Variants in NEURL4 observed in about 807,000 individuals in gnomAD.
The protein encoded by NEURL4 is neuralized-like protein 4.
NEURL4 carries 45 observed loss-of-function variants against 148.0 expected under a neutral mutation model. The ratio of observed to expected loss-of-function variants is 0.30; its 90% CI spans 0.24 to 0.39. The LOEUF is 0.39. NEURL4 is among the 10% of genes least tolerant of loss of function. The pLI, the probability that NEURL4 is intolerant of heterozygous loss-of-function variation, is 1.00. For synonymous variants in NEURL4, 854 were observed against 869.0 expected, an observed-to-expected ratio of 0.98 and a Z score of 0.30; for missense variants, 1,776 against 2,144.0, an observed-to-expected ratio of 0.83 and a Z score of 3.39.
In NEURL4 at chr17:7,322,835, C is replaced by T. The variant is rs1405745069; in HGVS notation, c.2625G>A (p.Gln875=). ...EVYAVVDLYG[Q]CVQVSITNAT... is the part of the protein sequence containing the mutation. ...CATTGGTGATGGACACTTGGACACA[C>T]TGGCCATAGAGATCGACTACCGCAT... The change falls in exon 16 of 29, where the codon CAG becomes CAA. Residue 875 remains glutamine (Q), a synonymous_variant. Transcript: ENST00000399464. This position sits in a 1 kb window ranked among gnomAD's most constrained non-coding sequence, Gnocchi z 5.5. 3 of 1,613,952 alleles carry T rather than the reference C, an allele frequency of 1.9e-6. No individual in the cohort carries two copies. Among genetic ancestry groups the T allele is most frequent in the Non-Finnish European group, 2.5e-6 (3 of 1,179,994 alleles).
chr17:7,320,987 G>C, intron 20 of NEURL4, 64 bp from the exon 21 acceptor site: 1 of 1,601,086 alleles, frequency 6.2e-7, no homozygotes, highest in Non-Finnish European at 8.5e-7. Context: ...CACCCCACTG[G>C]AGTTTGCACA....
At position 7,321,334 on chromosome 17, in the gene NEURL4, A is replaced by T; in HGVS notation, c.3198+27T>A. On this transcript the variant is annotated intron_variant, in intron 19 of 28. Transcript: ENST00000399464. This position sits in a 1 kb window ranked among gnomAD's most constrained non-coding sequence, Gnocchi z 6.3. Reference sequence around the variant, plus strand: ...AGCAGAAGACCTCAACCATCCTCCCAGAACCCAAGGAAGCGTTCAGGTCTA... The same window carrying T: ...AGCAGAAGACCTCAACCATCCTCCCTGAACCCAAGGAAGCGTTCAGGTCTA... The T allele has an allele frequency of 2.5e-6, 4 of 1,613,814 alleles. No homozygotes were observed. Among genetic ancestry groups the T allele is most frequent in the Non-Finnish European group, 3.4e-6 (4 of 1,179,848 alleles).
Position 7,324,462 on chromosome 17 carries a change from C to T in NEURL4, c.1832G>A (p.Gly611Glu). 6.2e-7 allele frequency: 1 copy of T among 1,614,194 alleles called. No homozygotes were observed. The highest frequency in any genetic ancestry group is 8.5e-7 in the Non-Finnish European group (1 of 1,180,010). Reference protein sequence around the residue: ...NLRSGTWMMTGNGVMHNGTTI... With the variant: ...NLRSGTWMMTENGVMHNGTTI... ...CGTCCCATTGTGCATCACCCCATTC[C>T]CAGTCATCATCCAGGTCCCTGGGAG... The change falls in exon 10 of 29, where the codon GGG (glycine) becomes GAG (glutamate). Residue 611 changes from glycine (G) to glutamate (E), a missense_variant. Transcript: ENST00000399464. The surrounding 1 kb of genome is among the most constrained non-coding windows in gnomAD (Gnocchi z 5.9).
chr17:7,323,557 G>A lies in NEURL4; in HGVS notation c.2345C>T (p.Thr782Ile). The stretch of plus-strand genomic sequence containing the variant: ...TTCCAGGTCTTCAGGCCGAATAGCA[G>A]TCACTCCTGGGAGGAGGCAGGGGTA... ...RWSGSIEAGVTAIRPEDLEFP... is the reference protein window; with the variant it reads ...RWSGSIEAGVIAIRPEDLEFP... Residue 782 changes from threonine to isoleucine, a missense_variant, in exon 14 of 29, where the codon ACT becomes ATT. Thr to Ile is a moderately conservative substitution (Grantham distance 89). Coordinates refer to ENST00000399464, the MANE Select transcript of NEURL4 (RefSeq NM_032442.3). 6.2e-7 allele frequency: 1 copy of A among 1,614,218 alleles called. No individual in the cohort carries two copies. Among genetic ancestry groups the A allele is most frequent in the Non-Finnish European group, 8.5e-7 (1 of 1,180,038 alleles).
chr17:7,317,799 C>T lies in NEURL4; in HGVS notation c.4194G>A (p.Arg1398=), dbSNP rs1382752349. Residue 1398 remains arginine (R), a synonymous_variant, in exon 26 of 29, where the codon AGG becomes AGA. Coordinates refer to ENST00000399464, the MANE Select transcript of NEURL4 (RefSeq NM_032442.3). ...REYALPFGWC[R]FNLRVNPRLE... ...TTGCCCATATGTACCTGAGGTTGAA[C>T]CTGCACCAGCCAAAGGGCAGTGCAT... is the stretch of plus-strand genomic sequence containing the variant. 5.0e-6 allele frequency: 8 copies of T among 1,613,606 alleles called. No individual in the cohort carries two copies. Among genetic ancestry groups the T allele is most frequent in the Non-Finnish European group, 5.9e-6 (7 of 1,180,036 alleles).
chr17:7,324,603 T>C lies in NEURL4; in HGVS notation c.1814-123A>G, dbSNP rs750214253. 8 of 1,107,704 alleles carry C rather than the reference T, an allele frequency of 7.2e-6. No homozygotes were observed. The highest frequency in any genetic ancestry group is 2.1e-5 in the Admixed American group (1 of 47,308). 68.6% of individuals were successfully genotyped at this position (1,107,704 alleles called of 1,614,324 possible). A position where few individuals can be genotyped will look rare whatever the true frequency, so the allele number is the denominator to read the frequency against. On this transcript the variant is annotated intron_variant, in intron 9 of 28. Transcript: ENST00000399464. This position sits in a 1 kb window ranked among gnomAD's most constrained non-coding sequence, Gnocchi z 5.9. ...CTTGCCTTTTCTTTGATGACTAGAT[T>C]TCTTCCCTGAGCAGGACAAGAAAAC...
At chr17:7,316,544 C>T (rs957931301) in intron 28 of NEURL4, among the ~76,000 whole-genome samples, 2 of 152,186 alleles carry the variant, frequency 1.3e-5, no homozygotes, top group African/African-American at 4.8e-5. Flanking sequence ...GAATCTCTCC[C>T]ACCTTCTTAG....
Position 7,317,832 on chromosome 17 carries a change from G to A in NEURL4, c.4161C>T (p.Pro1387=). 6.2e-7 allele frequency: 1 copy of A among 1,614,056 alleles called. No homozygotes were observed. The highest frequency in any genetic ancestry group is 2.2e-5 in the East Asian group (1 of 44,886). The change falls in exon 26 of 29, where the codon CCC becomes CCT. Residue 1387 remains proline, a synonymous_variant. Coordinates refer to ENST00000399464, the MANE Select transcript of NEURL4 (RefSeq NM_032442.3). ...DEAHRRRGEP[P]REYALPFGWC... is the part of the protein sequence containing the mutation. The stretch of plus-strand genomic sequence containing the variant: ...AGCCAAAGGGCAGTGCATATTCCCG[G>A]GGAGGCTCCCCTCTGCGCCTGTGGG...
chr17:7,322,586 G>T lies in NEURL4; in HGVS notation c.2725+149C>A. The T allele has an allele frequency of 9.9e-7, 1 of 1,007,786 alleles. No individual in the cohort carries two copies. The highest frequency in any genetic ancestry group is 1.5e-6 in the Non-Finnish European group (1 of 675,948). The allele number at this position is 1,007,786 out of a possible 1,614,324, so 62.4% of individuals were successfully genotyped here. ...ACCAGGTGTAACCTCCCCCTCACTG[G>T]CTGCTTGCCACCGTGGGCTGTCCCT... On this transcript the variant is annotated intron_variant, in intron 16 of 28. Transcript: ENST00000399464. The surrounding 1 kb of genome is among the most constrained non-coding windows in gnomAD (Gnocchi z 5.5).
intron 28 of NEURL4, 103 bp from the exon 29 acceptor site, chr17:7,316,430 C>G (rs1373520779): frequency 1.1e-6 from 1 of 899,874 alleles, no homozygotes; most frequent in Non-Finnish European, 1.7e-6. Context: ...CTAGGAAATA[C>G]TCCCACCTTA....
intron 26 of NEURL4, 51 bp from the exon 27 acceptor site, chr17:7,317,624 G>A (rs1159472533): frequency 3.8e-6 from 6 of 1,579,348 alleles, no homozygotes; most frequent in Admixed American, 1.7e-5. Flanking sequence ...TGACTCCCCA[G>A]TGGAGGAGCT....
chr17:7,318,684 G>C lies in NEURL4; in HGVS notation c.3685-10C>G. The C allele has an allele frequency of 6.3e-7, 1 of 1,595,996 alleles. No homozygotes were observed. Among genetic ancestry groups the C allele is most frequent in the Middle Eastern group, 1.7e-4 (1 of 5,954 alleles). On this transcript the variant is annotated splice_polypyrimidine_tract_variant and intron_variant, in intron 22 of 28. Transcript: ENST00000399464. The surrounding 1 kb of genome is among the most constrained non-coding windows in gnomAD (Gnocchi z 4.3). ...CAAACTTCTCGCAGATCTGGGAGGA[G>C]AGACCGGCTGTCTTCCAGAGGTCAG...
chr17:7,326,739 C>T lies in NEURL4; in HGVS notation c.1064G>A (p.Arg355His). The change falls in exon 4 of 29, where the codon CGC (arginine) becomes CAC (histidine). Residue 355 changes from arginine (R) to histidine (H), a missense_variant. Transcript: ENST00000399464. The surrounding 1 kb of genome is among the most constrained non-coding windows in gnomAD (Gnocchi z 6.0). The part of the protein sequence containing the change: ...EFNNGVVMTN[R>H]PLRDNEMFEI... ...AAACATCTCATTGTCCCGAAGGGGG[C>T]GATTGGTCATGACAACCCCATTGTT... is the stretch of plus-strand genomic sequence containing the variant. The T allele has an allele frequency of 1.2e-6, 2 of 1,611,928 alleles. No individual in the cohort carries two copies. The highest frequency in any genetic ancestry group is 1.7e-6 in the Non-Finnish European group (2 of 1,179,482).
rs745621144 is a variant in NEURL4 at position 7,326,264 on chromosome 17, A to G, written c.1284T>C (p.Asp428=). Residue 428 remains aspartate, a synonymous_variant, in exon 6 of 29, where the codon GAT becomes GAC. Transcript: ENST00000399464. This position sits in a 1 kb window ranked among gnomAD's most constrained non-coding sequence, Gnocchi z 6.0. ...TGTGCCCCACCCTCACCTGCAACTC[A>G]TCCAGACTGAATTCGCAGTACTCCC... The part of the protein sequence containing the change: ...TRREYCEFSL[D]ELQEGDHIGL... 2 of 1,613,992 alleles carry G rather than the reference A, an allele frequency of 1.2e-6. No individual in the cohort carries two copies. Among genetic ancestry groups the G allele is most frequent in the Middle Eastern group, 1.7e-4 (1 of 6,060 alleles).
chr17:7,322,167 T>C lies in NEURL4; in HGVS notation c.2726-157A>G, dbSNP rs746104209. ...AGGGCCTCCTGACACCTCTTTATTG[T>C]ATTTTGTTGAGGCAGAGTCTCGCTC... On this transcript the variant is annotated intron_variant, in intron 16 of 28. Transcript: ENST00000399464. The surrounding 1 kb of genome is among the most constrained non-coding windows in gnomAD (Gnocchi z 5.5). Among the ~76,000 whole-genome samples, 1 of 152,136 alleles carries C rather than the reference T, an allele frequency of 6.6e-6. No homozygotes were observed. Among genetic ancestry groups the C allele is most frequent in the Non-Finnish European group, 1.5e-5 (1 of 68,028 alleles).
intron 21 of NEURL4, 131 bp from the exon 22 acceptor site, chr17:7,319,339 G>T (rs942122597): frequency 2.9e-5 from 16 of 556,360 alleles, no homozygotes; most frequent in Non-Finnish European, 4.1e-5. Context: ...TGCTTGGAAG[G>T]ACCAGAAAAC....
In NEURL4 at chr17:7,317,312, C is replaced by T; in HGVS notation, c.4377G>A (p.Glu1459=). 12 of 1,538,646 alleles carry T rather than the reference C, an allele frequency of 7.8e-6. No homozygotes were observed. Among genetic ancestry groups the T allele is most frequent in the Non-Finnish European group, 9.6e-6 (11 of 1,142,064 alleles). Residue 1459 remains glutamate (E), a synonymous_variant, in exon 28 of 29, where the codon GAG becomes GAA. Transcript: ENST00000399464. The part of the protein sequence containing the change: ...PLKGEPGVGF[E]EPGENCAPPR... The stretch of plus-strand genomic sequence containing the variant: ...GAGGTGCACAGTTCTCGCCAGGCTC[C>T]TCGAACCCTACCCCAGGTTCTCCCT...
chr17:7,319,624 C>T (rs546120465), intron 21 of NEURL4, among the ~76,000 whole-genome samples: 3 of 147,710 alleles, frequency 2.0e-5, no homozygotes, highest in South Asian at 4.5e-4. Flanking sequence ...CGCTTGAACC[C>T]GGGAGGTGGA....
chr17:7,321,826 T>A lies in NEURL4; in HGVS notation c.2871+39A>T. ...AAAACATAAGCTGGCCCTGTCGTGATGGGCCTCGCAGCCCCTCTGTCACAT... is the reference window on the plus strand; with the variant it reads ...AAAACATAAGCTGGCCCTGTCGTGAAGGGCCTCGCAGCCCCTCTGTCACAT... On this transcript the variant is annotated intron_variant, in intron 17 of 28. Coordinates refer to ENST00000399464, the MANE Select transcript of NEURL4 (RefSeq NM_032442.3). This position sits in a 1 kb window ranked among gnomAD's most constrained non-coding sequence, Gnocchi z 6.3. The A allele has an allele frequency of 1.2e-6, 2 of 1,611,862 alleles. No homozygotes were observed. The highest frequency in any genetic ancestry group is 1.1e-5 in the South Asian group (1 of 91,060).
Sources: allele counts gnomAD v4.1 joint callset (sites outside exome capture counted in the v4.1 genomes callset), GRCh38; gene constraint gnomAD v4.1.1; non-coding constraint Gnocchi (gnomAD v3.1); transcripts MANE v1.5; gene names NCBI Gene and HGNC (gene_info 2026-07-23, HGNC 2026-07-21).